Variants in MAP3K2 observed in about 807,000 individuals in gnomAD.
MAP3K2 encodes the protein mitogen-activated protein kinase kinase kinase 2, also known as MAP/ERK kinase kinase 2.
MAP3K2 carries 24 observed loss-of-function variants against 80.3 expected under a neutral mutation model. That is an observed-to-expected ratio of 0.30 (90% confidence interval 0.22 to 0.42). MAP3K2 has a LOEUF of 0.42. MAP3K2 is among the 10% of genes least tolerant of loss of function. The pLI, the probability that MAP3K2 is intolerant of heterozygous loss-of-function variation, is 1.00. For synonymous variants in MAP3K2, 244 were observed against 253.7 expected (o/e 0.96, Z 0.36); for missense variants, 608 against 750.1 (o/e 0.81, Z 2.21).
At chr2:127,344,502 AAAAAG>A (rs1253543510) in intron 1 of MAP3K2, among the ~76,000 whole-genome samples, 1 of 151,732 alleles carries the variant, frequency 6.6e-6, no homozygotes, top group African/African-American at 2.4e-5. Flanking sequence ...AAAAAAAAAA[AAAAAG>A]ATTTAAAAAA....
chr2:127,356,343 C>CT (rs1007877072), intron 1 of MAP3K2, among the ~76,000 whole-genome samples: 3 of 151,956 alleles, frequency 2.0e-5, no homozygotes, highest in Non-Finnish European at 4.4e-5. Context: ...ATTTCTTTTT[C>CT]TTTTTTTAGT....
intron 3 of MAP3K2, 108 bp from the exon 4 acceptor site, chr2:127,337,886 A>C: frequency 3.2e-6 from 2 of 631,380 alleles, no homozygotes; most frequent in South Asian, 2.4e-5. Flanking sequence ...CATTCATTTA[A>C]AATAGACCAG....
At chr2:127,314,969 A>ACC in intron 14 of MAP3K2, 86 bp from the exon 15 acceptor site, 1 of 921,206 alleles carries the variant, frequency 1.1e-6, no homozygotes, top group Admixed American at 2.8e-5. Context: ...TAAAGAGGGC[A>ACC]GGAATTCTCA....
intron 3 of MAP3K2, 72 bp downstream of exon 3, chr2:127,338,860 A>G: frequency 3.9e-6 from 4 of 1,031,946 alleles, no homozygotes; most frequent in Non-Finnish European, 2.9e-6. Flanking sequence ...TGAACACATT[A>G]AACAAGTCCT....
chr2:127,373,565 G>C (rs1022554145), intron 1 of MAP3K2, among the ~76,000 whole-genome samples: 1 of 152,072 alleles, frequency 6.6e-6, no homozygotes, highest in South Asian at 2.1e-4. Context: ...TAACTCCTAC[G>C]GCACAAAGGG....
intron 1 of MAP3K2, among the ~76,000 whole-genome samples, chr2:127,351,877 G>T (rs182884588): frequency 0.012 from 1,797 of 147,810 alleles, 47 homozygotes; most frequent in African/African-American, 0.042. Context: ...GTTTTTTTGT[G>T]TTTTTTTTTT....
intron 1 of MAP3K2, among the ~76,000 whole-genome samples, chr2:127,384,441 C>T (rs1011029911): frequency 6.6e-6 from 1 of 152,038 alleles, no homozygotes; most frequent in African/African-American, 2.4e-5. Flanking sequence ...ATTCTAGATG[C>T]CATTAAGAAC....
At chr2:127,388,160 C>T, upstream of MAP3K2, 3 of 985,140 alleles carry the variant, frequency 3.0e-6, no homozygotes, top group Non-Finnish European at 3.6e-6. Flanking sequence ...CGGGGATTCC[C>T]AGTCCTGGCT....
intron 1 of MAP3K2, among the ~76,000 whole-genome samples, chr2:127,349,554 A>G (rs1686657659): frequency 6.6e-6 from 1 of 152,172 alleles, no homozygotes; most frequent in Non-Finnish European, 1.5e-5. Flanking sequence ...CAAGACAAAT[A>G]TAAGACTAAA....
chr2:127,337,991 A>G (rs1284035310), intron 3 of MAP3K2, among the ~76,000 whole-genome samples: 1 of 152,224 alleles, frequency 6.6e-6, no homozygotes, highest in Non-Finnish European at 1.5e-5. Flanking sequence ...TGGGCTCAAC[A>G]GGAAAGAACA....
intron 6 of MAP3K2, among the ~76,000 whole-genome samples, 169 bp downstream of exon 6, chr2:127,330,223 G>A (rs537575220): frequency 1.5e-3 from 221 of 152,060 alleles, no homozygotes; most frequent in Non-Finnish European, 2.8e-3. Flanking sequence ...CTATGACTGT[G>A]GTTTTTGAGG....
chr2:127,307,405 A>C lies in MAP3K2; in HGVS notation c.*174T>G, dbSNP rs916466643. 24 of 406,810 alleles carry C rather than the reference A, an allele frequency of 5.9e-5. No individual in the cohort carries two copies. The highest frequency in any genetic ancestry group is 9.1e-5 in the Non-Finnish European group (21 of 231,160). The allele number at this position is 406,810 out of a possible 1,614,324, so 25.2% of individuals were successfully genotyped here. A position where few individuals can be genotyped will look rare whatever the true frequency, so the allele number is the denominator to read the frequency against. On this transcript the variant is annotated 3_prime_UTR_variant, in exon 17 of 17. Transcript: ENST00000682094. This position sits in a 1 kb window ranked among gnomAD's most constrained non-coding sequence, Gnocchi z 5.4. Reference sequence around the variant, plus strand: ...GGGAAAAAAAGATTAAATATAAAAAATTTAGGATATTATTATTATTAAACA... The same window carrying C: ...GGGAAAAAAAGATTAAATATAAAAACTTTAGGATATTATTATTATTAAACA...
Position 127,339,072 on chromosome 2 carries a change from C to T in MAP3K2, c.5-22G>A. On this transcript the variant is annotated intron_variant, in intron 2 of 16. Transcript: ENST00000682094. This position sits in a 1 kb window ranked among gnomAD's most constrained non-coding sequence, Gnocchi z 4.2. ...TCATCTAGGTAGTTTTGAAACAACA[C>T]ATACATAGAATTGTAATTGTGACAT... is the stretch of plus-strand genomic sequence containing the variant. 1 of 1,392,992 alleles carries T rather than the reference C, an allele frequency of 7.2e-7. No individual in the cohort carries two copies. The highest frequency in any genetic ancestry group is 1.0e-6 in the Non-Finnish European group (1 of 990,394). The allele number at this position is 1,392,992 out of a possible 1,614,324, so 86.3% of individuals were successfully genotyped here. A position where few individuals can be genotyped will look rare whatever the true frequency, so the allele number is the denominator to read the frequency against.
intron 1 of MAP3K2, among the ~76,000 whole-genome samples, chr2:127,347,365 A>C (rs1686614863): frequency 6.6e-6 from 1 of 152,202 alleles, no homozygotes; most frequent in African/African-American, 2.4e-5. Context: ...ACAGTATTAG[A>C]ATCAATAAAC....
chr2:127,357,497 A>T (rs1686816495), intron 1 of MAP3K2, among the ~76,000 whole-genome samples: 1 of 152,190 alleles, frequency 6.6e-6, no homozygotes, highest in African/African-American at 2.4e-5. Flanking sequence ...AATACAGAAG[A>T]ATAGAACAGA....
rs1405885188 is a variant in MAP3K2 at position 127,298,938 on chromosome 2, T to C, written c.*8641A>G. ...CAAAATATAAACATGGTTTCTTTTA[T>C]ATTAGATTTTTTTTTAAAAAAAAGC... On this transcript the variant is annotated 3_prime_UTR_variant, in exon 17 of 17. Coordinates refer to ENST00000682094, the MANE Select transcript of MAP3K2 (RefSeq NM_001371910.2). 1.5e-5 allele frequency: 2 copies of C among 135,546 alleles called. No individual in the cohort carries two copies. The highest frequency in any genetic ancestry group is 8.5e-5 in the Admixed American group (1 of 11,696). The allele number at this position is 135,546 out of a possible 1,614,324, so 8.4% of individuals were successfully genotyped here.
intron 1 of MAP3K2, among the ~76,000 whole-genome samples, chr2:127,386,615 T>A (rs1687353798): frequency 6.6e-6 from 1 of 152,230 alleles, no homozygotes; most frequent in Non-Finnish European, 1.5e-5. Flanking sequence ...GAGAATAATT[T>A]TTTTCTGTCC....
intron 15 of MAP3K2, among the ~76,000 whole-genome samples, chr2:127,309,768 T>C (rs1401633967): frequency 1.3e-5 from 2 of 152,210 alleles, no homozygotes; most frequent in Non-Finnish European, 2.9e-5. Context: ...TGTAAGTTTT[T>C]TGGAGGAAGA....
At chr2:127,373,514 T>C (rs1687100478) in intron 1 of MAP3K2, among the ~76,000 whole-genome samples, 1 of 152,232 alleles carries the variant, frequency 6.6e-6, no homozygotes, top group Admixed American at 6.5e-5. Flanking sequence ...ACTTGTTTTC[T>C]ATCTTAAAAG....
Sources: allele counts gnomAD v4.1 joint callset (sites outside exome capture counted in the v4.1 genomes callset), GRCh38; gene constraint gnomAD v4.1.1; non-coding constraint Gnocchi (gnomAD v3.1); transcripts MANE v1.5; gene names NCBI Gene and HGNC (gene_info 2026-07-23, HGNC 2026-07-21).